Variants in CILP observed in about 807,000 individuals in gnomAD.
CILP encodes cartilage intermediate layer protein, also known as cartilage intermediate layer protein 1.
Under a neutral mutation model 82.5 loss-of-function variants are expected in CILP, and 75 were observed. The ratio of observed to expected loss-of-function variants is 0.91; its 90% CI spans 0.75 to 1.10. The LOEUF is 1.10. Ranked by LOEUF, CILP falls within the 50% of genes least tolerant of loss-of-function variation. The pLI is 0.00. For missense variants in CILP, 1,479 were observed against 1,530.8 expected (o/e 0.97, Z 0.56); for synonymous variants, 530 against 580.3 (o/e 0.91, Z 1.25).
At chr15:65,199,184 CT>C in intron 8 of CILP, 85 bp from the exon 9 acceptor site, 1 of 938,554 alleles carries the variant, frequency 1.1e-6, no homozygotes, top group South Asian at 1.7e-5. Context: ...CTACAGTATT[CT>C]ATGGTTTTCA....
intron 4 of CILP, among the ~76,000 whole-genome samples, chr15:65,206,216 C>T (rs1202333825): frequency 6.6e-6 from 1 of 152,190 alleles, no homozygotes; most frequent in African/African-American, 2.4e-5. Context: ...AGATGGAGAT[C>T]TCTCAAAGGT....
rs925011123 is a variant in CILP at position 65,194,981 on chromosome 15, C to A, written c.*1750G>T. 1.3e-5 allele frequency: 2 copies of A among 151,910 alleles called. No homozygotes were observed. The highest frequency in any genetic ancestry group is 4.8e-5 in the African/African-American group (2 of 41,328). 9.4% of individuals were successfully genotyped at this position (151,910 alleles called of 1,614,324 possible). A position where few individuals can be genotyped will look rare whatever the true frequency, so the allele number is the denominator to read the frequency against. ...GGTGCTGCAGATAGCTGTGCACTCA[C>A]AACAGGGGCAGTCAAGCCTCCCCAA... On this transcript the variant is annotated 3_prime_UTR_variant, in exon 9 of 9. Coordinates refer to ENST00000261883, the MANE Select transcript of CILP (RefSeq NM_003613.4).
chr15:65,204,618 T>C (rs1302750886), intron 5 of CILP, 36 bp from the exon 6 acceptor site: 2 of 1,561,532 alleles, frequency 1.3e-6, no homozygotes, highest in African/African-American at 1.4e-5. Flanking sequence ...AGGGATTCTA[T>C]GGATTCTGGC....
intron 8 of CILP, among the ~76,000 whole-genome samples, chr15:65,201,306 C>G (rs1408427688): frequency 6.6e-6 from 1 of 152,086 alleles, no homozygotes; most frequent in Non-Finnish European, 1.5e-5. Flanking sequence ...CTGGCCTTAG[C>G]TGCATTTTTC....
chr15:65,198,083 C>T lies in CILP; in HGVS notation c.2203G>A (p.Glu735Lys). ...EDRTFLVGNLEIRERRLFNLD... is the reference protein window; with the variant it reads ...EDRTFLVGNLKIRERRLFNLD... ...TTAAAGAGCCTCCTCTCACGAATCTCCAGGTTGCCCACCAGGAAGGTTCTG... is the reference window on the plus strand; with the variant it reads ...TTAAAGAGCCTCCTCTCACGAATCTTCAGGTTGCCCACCAGGAAGGTTCTG... The change falls in exon 9 of 9, where the codon GAG becomes AAG. Residue 735 changes from glutamate to lysine, a missense_variant. Glu to Lys is a moderately conservative substitution (Grantham distance 56). Transcript: ENST00000261883. 3 of 1,614,250 alleles carry T rather than the reference C, an allele frequency of 1.9e-6. No individual in the cohort carries two copies. Among genetic ancestry groups the T allele is most frequent in the Non-Finnish European group, 2.5e-6 (3 of 1,180,048 alleles).
intron 8 of CILP, among the ~76,000 whole-genome samples, chr15:65,200,624 C>T (rs1227692840): frequency 6.6e-6 from 1 of 152,060 alleles, no homozygotes; most frequent in African/African-American, 2.4e-5. Flanking sequence ...ACTTCTATAT[C>T]TTTACCCATG....
intron 8 of CILP, among the ~76,000 whole-genome samples, chr15:65,200,162 T>G (rs1159889834): frequency 1.3e-5 from 2 of 152,228 alleles, no homozygotes; most frequent in African/African-American, 4.8e-5. Flanking sequence ...CTATTTTGTA[T>G]TAAAATTTAA....
chr15:65,196,861 G>T lies in CILP; in HGVS notation c.3425C>A (p.Ala1142Asp). Residue 1142 changes from alanine to aspartate, a missense_variant, in exon 9 of 9, where the codon GCT (alanine) becomes GAT (aspartate). By Grantham distance (126) the Ala-to-Asp change is moderately radical. Coordinates refer to ENST00000261883, the MANE Select transcript of CILP (RefSeq NM_003613.4). Reference sequence around the variant, plus strand: ...CACTCTTCCTTGGACAGTGCCTGCAGCAGGGGACTGGGCTGGGGTGCTTTG... The same window carrying T: ...CACTCTTCCTTGGACAGTGCCTGCATCAGGGGACTGGGCTGGGGTGCTTTG... Reference protein sequence around the residue: ...YLQSTPAQSPAAGTVQGRVPS... With the variant: ...YLQSTPAQSPDAGTVQGRVPS... The T allele has an allele frequency of 6.2e-7, 1 of 1,613,958 alleles. No homozygotes were observed. Among genetic ancestry groups the T allele is most frequent in the Non-Finnish European group, 8.5e-7 (1 of 1,179,944 alleles).
Position 65,201,893 on chromosome 15 carries a change from C to T in CILP, c.1165G>A (p.Val389Ile), listed in dbSNP as rs1335172428. The T allele has an allele frequency of 1.3e-6, 2 of 1,573,714 alleles. No individual in the cohort carries two copies. The highest frequency in any genetic ancestry group is 1.7e-6 in the Non-Finnish European group (2 of 1,161,302). Reference sequence around the variant, plus strand: ...TTACCTATGACAATCAGCTGGGCAACCTTGGACTTCACAGCCCCAGCATCA... The same window carrying T: ...TTACCTATGACAATCAGCTGGGCAATCTTGGACTTCACAGCCCCAGCATCA... Reference protein sequence around the residue: ...QSDAGAVKSKVAQLIVIASDE... With the variant: ...QSDAGAVKSKIAQLIVIASDE... The change falls in exon 8 of 9, where the codon GTT becomes ATT. Residue 389 changes from valine to isoleucine, a missense_variant. Coordinates refer to ENST00000261883, the MANE Select transcript of CILP (RefSeq NM_003613.4).
chr15:65,196,786 C>A lies in CILP; in HGVS notation c.3500G>T (p.Gly1167Val). The A allele has an allele frequency of 6.3e-7, 1 of 1,591,462 alleles. No homozygotes were observed. The highest frequency in any genetic ancestry group is 1.7e-5 in the Admixed American group (1 of 57,872). The change falls in exon 9 of 9, where the codon GGA becomes GTA. Residue 1167 changes from glycine (G) to valine (V), a missense_variant. Coordinates refer to ENST00000261883, the MANE Select transcript of CILP (RefSeq NM_003613.4). ...RASRGGQRQGGVVASLRFPRV... is the reference protein window; with the variant it reads ...RASRGGQRQGVVVASLRFPRV... ...AGGAAATCTCAGAGAGGCCACCACT[C>A]CACCCTGGCGCTGGCCACCCCTGCT...
At chr15:65,200,524 T>C (rs1335503922) in intron 8 of CILP, among the ~76,000 whole-genome samples, 1 of 152,154 alleles carries the variant, frequency 6.6e-6, no homozygotes, top group East Asian at 1.9e-4. Flanking sequence ...AGGCCCCTGA[T>C]TGGTCTTTGG....
chr15:65,204,975 C>T (rs1039812690), intron 5 of CILP, among the ~76,000 whole-genome samples: 3 of 152,066 alleles, frequency 2.0e-5, no homozygotes, highest in Non-Finnish European at 4.4e-5. Context: ...GCCAAGATTG[C>T]GCCATTGCAC....
At position 65,196,601 on chromosome 15, in the gene CILP, G is replaced by C. The variant is rs1002227985; in HGVS notation, c.*130C>G. On this transcript the variant is annotated 3_prime_UTR_variant, in exon 9 of 9. Coordinates refer to ENST00000261883, the MANE Select transcript of CILP (RefSeq NM_003613.4). ...GTAGCATGGGACAAAGTAAGTAAAG[G>C]CATGAAGAAACAAACAAGCAAATTC... 37 of 788,224 alleles carry C rather than the reference G, an allele frequency of 4.7e-5. No individual in the cohort carries two copies. The East Asian group carries it at 9.7e-4, about 21-fold the overall frequency. 48.8% of individuals were successfully genotyped at this position (788,224 alleles called of 1,614,324 possible).
Position 65,196,620 on chromosome 15 carries a change from C to T in CILP, c.*111G>A. The stretch of plus-strand genomic sequence containing the variant: ...GTAAAGGCATGAAGAAACAAACAAG[C>T]AAATTCACGAAAACAGAAGTGCTTA... On this transcript the variant is annotated 3_prime_UTR_variant, in exon 9 of 9. Coordinates refer to ENST00000261883, the MANE Select transcript of CILP (RefSeq NM_003613.4). 1.0e-6 allele frequency: 1 copy of T among 997,004 alleles called. No homozygotes were observed. The highest frequency in any genetic ancestry group is 2.0e-5 in the South Asian group (1 of 48,990). The allele number at this position is 997,004 out of a possible 1,614,324, so 61.8% of individuals were successfully genotyped here.
chr15:65,206,942 A>T lies in CILP; in HGVS notation c.264T>A (p.Arg88=), dbSNP rs2088524119. 1 of 1,613,900 alleles carries T rather than the reference A, an allele frequency of 6.2e-7. No homozygotes were observed. Among genetic ancestry groups the T allele is most frequent in the African/African-American group, 1.3e-5 (1 of 74,928 alleles). The change falls in exon 4 of 9, where the codon CGT becomes CGA. Residue 88 remains arginine (R), a synonymous_variant. Coordinates refer to ENST00000261883, the MANE Select transcript of CILP (RefSeq NM_003613.4). The part of the protein sequence containing the change: ...RFYYGDRVCA[R]PLRLEARTTD... Reference sequence around the variant, plus strand: ...TGGTCCGAGCCTCTAGCCGCAGGGGACGGGCACATACACGGTCCCCATAGT... The same window carrying T: ...TGGTCCGAGCCTCTAGCCGCAGGGGTCGGGCACATACACGGTCCCCATAGT...
rs1197356805 is a variant in CILP, at chr15:65,198,352, A to T, written c.1934T>A (p.Ile645Asn). Residue 645 changes from isoleucine (I) to asparagine (N), a missense_variant, in exon 9 of 9, where the codon ATC becomes AAC. Physicochemically the swap from Ile to Asn is moderately radical, Grantham distance 149. Coordinates refer to ENST00000261883, the MANE Select transcript of CILP (RefSeq NM_003613.4). Reference sequence around the variant, plus strand: ...GGGGAAAGTGTCTCCTTCGTCATTGATGAAGTTCAGGTCAGTCTGGGCAGC... The same window carrying T: ...GGGGAAAGTGTCTCCTTCGTCATTGTTGAAGTTCAGGTCAGTCTGGGCAGC... ...ATAAQTDLNF[I>N]NDEGDTFPLR... The T allele has an allele frequency of 6.2e-7, 1 of 1,614,190 alleles. No individual in the cohort carries two copies. Among genetic ancestry groups the T allele is most frequent in the South Asian group, 1.1e-5 (1 of 91,076 alleles).
At position 65,199,004 on chromosome 15, in the gene CILP, C is replaced by G; in HGVS notation, c.1282G>C (p.Asp428His). 1 of 1,610,916 alleles carries G rather than the reference C, an allele frequency of 6.2e-7. No homozygotes were observed. The highest frequency in any genetic ancestry group is 8.5e-7 in the Non-Finnish European group (1 of 1,180,018). Residue 428 changes from aspartate to histidine, a missense_variant, in exon 9 of 9, where the codon GAC becomes CAC. Coordinates refer to ENST00000261883, the MANE Select transcript of CILP (RefSeq NM_003613.4). ...FQNATNSFYYDVGRCPVKTCA... is the reference protein window; with the variant it reads ...FQNATNSFYYHVGRCPVKTCA... ...GTCTTAACAGGGCAGCGTCCCACGTCATAGTAGAAGGAGTTGGTGGCATTC... is the reference window on the plus strand; with the variant it reads ...GTCTTAACAGGGCAGCGTCCCACGTGATAGTAGAAGGAGTTGGTGGCATTC...
At chr15:65,209,169 C>T (rs779359207) in intron 2 of CILP, among the ~76,000 whole-genome samples, 31 of 152,042 alleles carry the variant, frequency 2.0e-4, no homozygotes, top group Admixed American at 9.8e-4. Flanking sequence ...ATTCTTTCTA[C>T]GAGTTCCTTC....
chr15:65,200,066 G>T (rs2088430846), intron 8 of CILP, among the ~76,000 whole-genome samples: 1 of 152,186 alleles, frequency 6.6e-6, no homozygotes, highest in Non-Finnish European at 1.5e-5. Flanking sequence ...TGTTTATGGT[G>T]ACCCTGGATT....
Sources: allele counts gnomAD v4.1 joint callset (sites outside exome capture counted in the v4.1 genomes callset), GRCh38; gene constraint gnomAD v4.1.1; transcripts MANE v1.5; gene names NCBI Gene and HGNC (gene_info 2026-07-23, HGNC 2026-07-21).